Variants in CHN2 observed in about 807,000 individuals in gnomAD.
The protein encoded by CHN2 is chimerin 2.
A neutral mutation model predicts 56.3 loss-of-function variants in CHN2; 35 were observed. The ratio of observed to expected loss-of-function variants is 0.62; its 90% CI spans 0.47 to 0.82. The LOEUF is 0.82. CHN2 is among the 40% of genes least tolerant of loss of function. The pLI is 0.00. For missense variants in CHN2, 491 were observed against 580.5 expected, an observed-to-expected ratio of 0.85 and a Z score of 1.58; for synonymous variants, 210 against 212.8, an observed-to-expected ratio of 0.99 and a Z score of 0.12.
intron 1 of CHN2, among the ~76,000 whole-genome samples, chr7:29,198,949 A>G (rs1783941601): frequency 6.6e-6 from 1 of 152,260 alleles, no homozygotes; most frequent in African/African-American, 2.4e-5. Context: ...CCACTGTATT[A>G]TCAAAATAAA....
chr7:29,368,091 T>A, intron 3 of CHN2, 104 bp downstream of exon 3: 1 of 887,376 alleles, frequency 1.1e-6, no homozygotes, highest in Non-Finnish European at 1.6e-6. Context: ...TGATTTCTAT[T>A]AACATTTGTT....
intron 1 of CHN2, among the ~76,000 whole-genome samples, chr7:29,350,366 G>A (rs1797790259): frequency 6.6e-6 from 1 of 152,124 alleles, no homozygotes; most frequent in South Asian, 2.1e-4. Context: ...GGGCAAATAT[G>A]TGTGTGTGTT....
At chr7:29,429,636 G>A (rs1251978833) in intron 6 of CHN2, among the ~76,000 whole-genome samples, 1 of 152,100 alleles carries the variant, frequency 6.6e-6, no homozygotes, top group Non-Finnish European at 1.5e-5. Context: ...ATGTGTTCAA[G>A]GTTCAGTTCC....
chr7:29,307,697 A>G (rs947083856), intron 1 of CHN2, among the ~76,000 whole-genome samples: 1 of 152,190 alleles, frequency 6.6e-6, no homozygotes, highest in African/African-American at 2.4e-5. Flanking sequence ...CCAGGAGTCA[A>G]GGAAGGTGGA....
chr7:29,262,693 A>G (rs915493375), intron 1 of CHN2, among the ~76,000 whole-genome samples: 9 of 152,216 alleles, frequency 5.9e-5, no homozygotes, highest in Admixed American at 4.6e-4. Flanking sequence ...AAGAGAAACA[A>G]TTCTGAAGAT....
intron 12 of CHN2, 92 bp from the exon 13 acceptor site, chr7:29,512,472 A>AGAGAT (rs777982793): frequency 4.6e-5 from 50 of 1,097,580 alleles, no homozygotes; most frequent in Non-Finnish European, 6.0e-5. Context: ...TTCCTGAACC[A>AGAGAT]GAGATGTTAT....
chr7:29,195,148 A>G, intron 1 of CHN2, 158 bp downstream of exon 1: 1 of 674,824 alleles, frequency 1.5e-6, no homozygotes. Flanking sequence ...GTTCGCCAGC[A>G]CCTCGGTGCC....
At position 29,479,738 on chromosome 7, in the gene CHN2, T is replaced by A. The variant is rs891520723; in HGVS notation, c.577-541T>A. 5.3e-6 allele frequency: 6 copies of A among 1,121,590 alleles called. No homozygotes were observed. In the African/African-American group the frequency reaches 8.0e-5, roughly 15 times the overall value. 69.5% of individuals were successfully genotyped at this position (1,121,590 alleles called of 1,614,324 possible). A position where few individuals can be genotyped will look rare whatever the true frequency, so the allele number is the denominator to read the frequency against. ...TGTGTTTGAGTGTGAAATGTGCTAA[T>A]AAGGAGGAGAGACCTCTCCTTTGCA... On this transcript the variant is annotated intron_variant, in intron 6 of 12. Coordinates refer to ENST00000222792, the MANE Select transcript of CHN2 (RefSeq NM_004067.4).
upstream of CHN2, chr7:29,194,396 G>A (rs1429121459): frequency 6.6e-6 from 1 of 152,466 alleles, no homozygotes; most frequent in Non-Finnish European, 1.5e-5. Flanking sequence ...CACCCCCCGA[G>A]CGACCGCGTC....
At chr7:29,164,792 A>C (rs1036387379) in intron 2 of CHN2, among the ~76,000 whole-genome samples, 4 of 151,780 alleles carry the variant, frequency 2.6e-5, no homozygotes, top group Admixed American at 6.6e-5. Context: ...AAAAAAAAAA[A>C]AAAAAAAAAC....
intron 1 of CHN2, chr7:29,199,433 C>T (rs961989416): frequency 6.6e-6 from 1 of 152,144 alleles, no homozygotes; most frequent in East Asian, 1.9e-4. Flanking sequence ...AATTGCTTTG[C>T]GTTTATTTTA....
At position 29,354,775 on chromosome 7, in the gene CHN2, A is replaced by C. The variant is rs1041858224; in HGVS notation, c.88+112A>C. On this transcript the variant is annotated intron_variant, in intron 2 of 12. Transcript: ENST00000222792. ...AGCGTTCCCACCTCACAGCACTGAA[A>C]ACCCAAATCTTTCTTTCCACTGAGG... 7 of 911,646 alleles carry C rather than the reference A, an allele frequency of 7.7e-6. No homozygotes were observed. The Admixed American group carries it at 8.6e-5, about 11-fold the overall frequency. 56.5% of individuals were successfully genotyped at this position (911,646 alleles called of 1,614,324 possible).
At chr7:29,402,602 A>G (rs1450380123) in intron 6 of CHN2, among the ~76,000 whole-genome samples, 2 of 152,228 alleles carry the variant, frequency 1.3e-5, no homozygotes, top group Admixed American at 6.5e-5. Context: ...AGCAGTGTTT[A>G]TATTTCTGAA....
At chr7:29,158,297 C>T (rs1257581704) in intron 2 of CHN2, among the ~76,000 whole-genome samples, 1 of 152,228 alleles carries the variant, frequency 6.6e-6, no homozygotes, top group East Asian at 1.9e-4. Context: ...CTTAGGACCT[C>T]AGTTTCCACC....
At chr7:29,438,842 A>G (rs544359898) in intron 6 of CHN2, among the ~76,000 whole-genome samples, 1 of 152,360 alleles carries the variant, frequency 6.6e-6, no homozygotes, top group East Asian at 1.9e-4. Context: ...GAGTAATATT[A>G]GAAACAGACA....
chr7:29,235,106 G>C (rs1054960403), intron 1 of CHN2, among the ~76,000 whole-genome samples: 1 of 152,016 alleles, frequency 6.6e-6, no homozygotes, highest in Non-Finnish European at 1.5e-5. Context: ...GTCTTATTCT[G>C]ATCTTTGTTA....
In CHN2 at chr7:29,382,417, C is replaced by T. The variant is rs369999636; in HGVS notation, c.145-11262C>T. Among the ~76,000 whole-genome samples, 247 of 152,298 alleles carry T rather than the reference C, an allele frequency of 1.6e-3. 1 individual carries two copies. The Middle Eastern group carries it at 0.017, about 10-fold the overall frequency. On this transcript the variant is annotated intron_variant, in intron 3 of 12. Coordinates refer to ENST00000222792, the MANE Select transcript of CHN2 (RefSeq NM_004067.4). The stretch of plus-strand genomic sequence containing the variant: ...GCAGACAGGGGAACAAGTTTTGTCC[C>T]GTAGCTTGGAAGCATAAAGCATCAA...
At chr7:29,169,471 C>A (rs1271090311) in intron 2 of CHN2, among the ~76,000 whole-genome samples, 1 of 151,836 alleles carries the variant, frequency 6.6e-6, no homozygotes, top group Admixed American at 6.6e-5. Context: ...TGTTTATATA[C>A]AATAATGTTA....
chr7:29,261,887 A>C (rs935083184), intron 1 of CHN2, among the ~76,000 whole-genome samples: 11 of 152,198 alleles, frequency 7.2e-5, no homozygotes, highest in African/African-American at 2.4e-4. Context: ...TAAGTGGTGC[A>C]CCAGGCGTGG....
Sources: gnomAD v4.1 joint callset for allele counts (sites outside exome capture counted in the v4.1 genomes callset) on GRCh38, gnomAD v4.1.1 for gene constraint, MANE v1.5 for transcripts, NCBI Gene and HGNC (gene_info 2026-07-23, HGNC 2026-07-21) for gene names.